The following BTBD8 variants were observed in gnomAD, a reference collection of about 807,000 sequenced individuals.
BTBD8 encodes BTB/POZ domain-containing protein 8.
A neutral mutation model predicts 162.9 loss-of-function variants in BTBD8; 110 were observed. That is an observed-to-expected ratio of 0.68 (90% confidence interval 0.58 to 0.79). The LOEUF is 0.79. Ranked by LOEUF, BTBD8 falls within the 30% of genes least tolerant of loss-of-function variation. The pLI is 0.00. For missense variants in BTBD8, 1,905 were observed against 2,085.4 expected, an observed-to-expected ratio of 0.91 and a Z score of 1.68; for synonymous variants, 667 against 716.1, an observed-to-expected ratio of 0.93 and a Z score of 1.10.
intron 4 of BTBD8, among the ~76,000 whole-genome samples, chr1:92,112,633 T>C (rs1238838629): frequency 6.6e-6 from 1 of 152,222 alleles, no homozygotes; most frequent in Non-Finnish European, 1.5e-5. Context: ...GTCCAAATTT[T>C]GTCGGATAAT....
chr1:92,123,917 A>G (rs1649282141), intron 4 of BTBD8, among the ~76,000 whole-genome samples: 1 of 151,898 alleles, frequency 6.6e-6, no homozygotes, highest in Non-Finnish European at 1.5e-5. Flanking sequence ...AGGAACCGAG[A>G]TAATTCAAAA....
In BTBD8 at chr1:92,182,131, C is replaced by T; in HGVS notation, c.4448C>T (p.Thr1483Ile). 5.2e-6 allele frequency: 8 copies of T among 1,551,260 alleles called. No individual in the cohort carries two copies. The highest frequency in any genetic ancestry group is 7.0e-6 in the Non-Finnish European group (8 of 1,146,784). The change falls in exon 17 of 18, where the codon ACC (threonine) becomes ATC (isoleucine). Residue 1483 changes from threonine to isoleucine, a missense_variant. Thr to Ile is a moderately conservative substitution (Grantham distance 89). Transcript: ENST00000636805. Reference protein sequence around the residue: ...DGISHEHHGRTCYSRFSRESE... With the variant: ...DGISHEHHGRICYSRFSRESE... ...ATTTCTCATGAACATCATGGAAGGA[C>T]CTGCTATTCCAGATTCTCACGAGAA... is the stretch of plus-strand genomic sequence containing the variant.
intron 4 of BTBD8, among the ~76,000 whole-genome samples, chr1:92,108,957 A>G (rs896027750): frequency 6.6e-6 from 1 of 152,234 alleles, no homozygotes; most frequent in Non-Finnish European, 1.5e-5. Context: ...ACCAAGCCAA[A>G]TAGTAGTAAT....
At chr1:92,106,516 C>T (rs1291772964) in intron 3 of BTBD8, among the ~76,000 whole-genome samples, 1 of 151,640 alleles carries the variant, frequency 6.6e-6, no homozygotes, top group Non-Finnish European at 1.5e-5. Context: ...AAAAAATTAG[C>T]CAGGCTTGGT....
Position 92,167,146 on chromosome 1 carries a change from A to G in BTBD8, c.1305+6A>G, listed in dbSNP as rs760702194. On this transcript the variant is annotated splice_donor_region_variant and intron_variant, in intron 10 of 17. Coordinates refer to ENST00000636805, the MANE Select transcript of BTBD8 (RefSeq NM_001376131.1). The stretch of plus-strand genomic sequence containing the variant: ...ATTTTGCTCTTCTTTTACAGGTACT[A>G]TGCCTAAATTATATCCTATATTTAG... 7.7e-6 allele frequency: 12 copies of G among 1,550,312 alleles called. No homozygotes were observed. Among genetic ancestry groups the G allele is most frequent in the Middle Eastern group, 1.7e-4 (1 of 6,014 alleles).
intron 4 of BTBD8, among the ~76,000 whole-genome samples, chr1:92,111,976 G>A (rs530815): frequency 0.031 from 4,779 of 152,234 alleles, 89 homozygotes; most frequent in African/African-American, 0.038. Flanking sequence ...CCAAACCTGC[G>A]TATGCCATTT....
chr1:92,180,746 A>G lies in BTBD8; in HGVS notation c.3063A>G (p.Lys1021=). The G allele has an allele frequency of 1.3e-6, 2 of 1,551,796 alleles. No individual in the cohort carries two copies. Among genetic ancestry groups the G allele is most frequent in the Admixed American group, 2.0e-5 (1 of 50,996 alleles). The change falls in exon 17 of 18, where the codon AAA becomes AAG. Residue 1021 remains lysine (K), a synonymous_variant. Coordinates refer to ENST00000636805, the MANE Select transcript of BTBD8 (RefSeq NM_001376131.1). The part of the protein sequence containing the change: ...DPQKPLNDQE[K]EKLALECQNI... ...AAAAGCCATTAAACGATCAAGAAAA[A>G]GAGAAGTTGGCGTTAGAATGCCAAA...
At position 92,184,552 on chromosome 1, in the gene BTBD8, C is replaced by A; in HGVS notation, c.*222C>A. 2.7e-6 allele frequency: 1 copy of A among 369,662 alleles called. No individual in the cohort carries two copies. The highest frequency in any genetic ancestry group is 4.8e-6 in the Non-Finnish European group (1 of 206,918). 22.9% of individuals were successfully genotyped at this position (369,662 alleles called of 1,614,324 possible). On this transcript the variant is annotated 3_prime_UTR_variant, in exon 18 of 18. Coordinates refer to ENST00000636805, the MANE Select transcript of BTBD8 (RefSeq NM_001376131.1). ...TCTAATTATTAGAGAAATTAGAAGA[C>A]TTATAAGGAAACCCTAGCTTCAGTT...
intron 9 of BTBD8, among the ~76,000 whole-genome samples, chr1:92,156,254 A>T (rs1650156760): frequency 6.6e-6 from 1 of 152,202 alleles, no homozygotes; most frequent in Non-Finnish European, 1.5e-5. Context: ...TCATCCTTGT[A>T]TCCTAGGAAT....
intron 4 of BTBD8, among the ~76,000 whole-genome samples, chr1:92,120,292 A>C (rs558557315): frequency 6.6e-6 from 1 of 152,232 alleles, no homozygotes; most frequent in Non-Finnish European, 1.5e-5. Flanking sequence ...ACACAGAGCC[A>C]GGATTATCAG....
Position 92,167,976 on chromosome 1 carries a change from A to G in BTBD8, c.1434A>G (p.Thr478=), listed in dbSNP as rs973983538. Reference sequence around the variant, plus strand: ...ACACACTGCTGAACTCTGACAGTACAAAGGAAATGGTACTGAATGTAATGA... The same window carrying G: ...ACACACTGCTGAACTCTGACAGTACGAAGGAAATGGTACTGAATGTAATGA... The part of the protein sequence containing the change: ...ALDTLLNSDS[T]KEMGFTCKIQ... The change falls in exon 11 of 18, where the codon ACA becomes ACG. Residue 478 remains threonine, a synonymous_variant. Coordinates refer to ENST00000636805, the MANE Select transcript of BTBD8 (RefSeq NM_001376131.1). 38 of 1,545,534 alleles carry G rather than the reference A, an allele frequency of 2.5e-5. No homozygotes were observed. Among genetic ancestry groups the G allele is most frequent in the Non-Finnish European group, 3.3e-5 (38 of 1,143,742 alleles).
At chr1:92,117,490 G>A (rs566177983) in intron 4 of BTBD8, among the ~76,000 whole-genome samples, 1 of 151,858 alleles carries the variant, frequency 6.6e-6, no homozygotes, top group African/African-American at 2.4e-5. Flanking sequence ...AGGCTTCTGG[G>A]ATCTTTTCTT....
intron 9 of BTBD8, among the ~76,000 whole-genome samples, chr1:92,162,898 C>T (rs1036128466): frequency 3.3e-5 from 5 of 152,146 alleles, no homozygotes; most frequent in Admixed American, 1.3e-4. Flanking sequence ...TAAGTCATTA[C>T]GACATCATAG....
chr1:92,158,792 T>G (rs753810512), intron 9 of BTBD8, among the ~76,000 whole-genome samples: 12 of 152,076 alleles, frequency 7.9e-5, no homozygotes, highest in Non-Finnish European at 1.3e-4. Flanking sequence ...AAAAAAAAAT[T>G]TAAGACAGGA....
chr1:92,109,785 G>A (rs1455192766), intron 4 of BTBD8, among the ~76,000 whole-genome samples: 1 of 152,084 alleles, frequency 6.6e-6, no homozygotes, highest in African/African-American at 2.4e-5. Flanking sequence ...GCCCAACATT[G>A]GAACTTTCTC....
At chr1:92,126,414 ACCT>A (rs753548986) in intron 4 of BTBD8, 1 of 889,554 alleles carries the variant, frequency 1.1e-6, no homozygotes, top group Non-Finnish European at 1.8e-6. Context: ...CCAGGCTCAG[ACCT>A]CCTCAAACGA....
At chr1:92,159,101 C>T (rs1381861787) in intron 9 of BTBD8, among the ~76,000 whole-genome samples, 1 of 151,974 alleles carries the variant, frequency 6.6e-6, no homozygotes, top group African/African-American at 2.4e-5. Context: ...ATACAGTACT[C>T]TTCATAAGTG....
intron 9 of BTBD8, among the ~76,000 whole-genome samples, chr1:92,164,285 AAGACC>A (rs1307664577): frequency 6.6e-6 from 1 of 151,958 alleles, no homozygotes; most frequent in Non-Finnish European, 1.5e-5. Context: ...CCAAGAGTTC[AAGACC>A]AGCCTGGATA....
chr1:92,111,260 T>G (rs929758594), intron 4 of BTBD8, among the ~76,000 whole-genome samples: 1 of 152,196 alleles, frequency 6.6e-6, no homozygotes, highest in South Asian at 2.1e-4. Flanking sequence ...CCCAAAGTGC[T>G]AGGATTACAG....
Sources: allele counts gnomAD v4.1 joint callset (sites outside exome capture counted in the v4.1 genomes callset), GRCh38; gene constraint gnomAD v4.1.1; transcripts MANE v1.5; gene names NCBI Gene and HGNC (gene_info 2026-07-23, HGNC 2026-07-21).